RANBP17: variants seen among roughly 807,000 people sequenced by gnomAD.
The protein encoded by RANBP17 is ran-binding protein 17.
In RANBP17, 158 loss-of-function variants were observed where a neutral mutation model predicts 141.2. The ratio of observed to expected loss-of-function variants is 1.12; its 90% confidence interval spans 0.98 to 1.28. RANBP17 has a LOEUF of 1.28. Among genes scored for constraint, RANBP17 ranks in the 50% most tolerant of loss-of-function variants. The pLI is 0.00. For synonymous variants in RANBP17, 430 were observed against 450.0 expected (o/e 0.96, Z 0.56); for missense variants, 1,438 against 1,290.7 (o/e 1.11, Z -1.75).
chr5:171,069,172 G>A (rs1252437163), intron 14 of RANBP17, among the ~76,000 whole-genome samples: 2 of 152,106 alleles, frequency 1.3e-5, no homozygotes, highest in South Asian at 2.1e-4. Context: ...TCTACTTGAG[G>A]GGATTGAAAC....
At position 170,892,561 on chromosome 5, in the gene RANBP17, G is replaced by A; in HGVS notation, c.423+8G>A. The A allele has an allele frequency of 6.2e-7, 1 of 1,611,228 alleles. No individual in the cohort carries two copies. The highest frequency in any genetic ancestry group is 8.5e-7 in the Non-Finnish European group (1 of 1,178,476). On this transcript the variant is annotated splice_region_variant and intron_variant, in intron 4 of 27. Transcript: ENST00000523189. Reference sequence around the variant, plus strand: ...GTGAAGAAGTTTCTCCAGGTAAGAAGTCATTGCTACATGGTTAGAACATCA... The same window carrying A: ...GTGAAGAAGTTTCTCCAGGTAAGAAATCATTGCTACATGGTTAGAACATCA...
intron 18 of RANBP17, among the ~76,000 whole-genome samples, chr5:171,198,650 C>T (rs186903548): frequency 3.3e-5 from 5 of 152,286 alleles, no homozygotes; most frequent in Admixed American, 3.3e-4. Flanking sequence ...TTACATCTCA[C>T]AAGTTCACAA....
chr5:170,866,372 A>G (rs903206308), intron 1 of RANBP17, among the ~76,000 whole-genome samples: 63 of 151,216 alleles, frequency 4.2e-4, no homozygotes, highest in African/African-American at 1.5e-3. Flanking sequence ...ATCTGAAACT[A>G]CTGAGAAGAA....
At chr5:171,229,368 T>C (rs1764068894) in intron 22 of RANBP17, among the ~76,000 whole-genome samples, 1 of 152,164 alleles carries the variant, frequency 6.6e-6, no homozygotes, top group African/African-American at 2.4e-5. Flanking sequence ...TCCATGCACC[T>C]AACATTTGTT....
intron 5 of RANBP17, among the ~76,000 whole-genome samples, chr5:170,906,499 A>T (rs1408518631): frequency 6.6e-6 from 1 of 151,910 alleles, no homozygotes; most frequent in African/African-American, 2.4e-5. Flanking sequence ...ATTACTGATG[A>T]TGTTCACTTT....
chr5:171,089,607 T>G (rs867069636), intron 14 of RANBP17, among the ~76,000 whole-genome samples: 1 of 151,856 alleles, frequency 6.6e-6, no homozygotes, highest in East Asian at 2.0e-4. Flanking sequence ...TAGCAATCAG[T>G]GAGATTCCGT....
At chr5:170,993,487 G>T (rs1417388073) in intron 14 of RANBP17, among the ~76,000 whole-genome samples, 1 of 151,950 alleles carries the variant, frequency 6.6e-6, no homozygotes, top group Admixed American at 6.6e-5. Flanking sequence ...CTAGGATTTT[G>T]GCTTCAGAAT....
chr5:171,200,267 G>T (rs527959951), intron 19 of RANBP17, among the ~76,000 whole-genome samples: 6 of 152,224 alleles, frequency 3.9e-5, no homozygotes, highest in Non-Finnish European at 8.8e-5. Flanking sequence ...TTCTTAAACG[G>T]AACAAAGTGA....
chr5:171,184,508 C>A (rs1013867696), intron 18 of RANBP17, among the ~76,000 whole-genome samples: 1 of 139,056 alleles, frequency 7.2e-6, no homozygotes, highest in Non-Finnish European at 1.6e-5. Context: ...TCAAAAGATA[C>A]AAAGTTTCAG....
chr5:171,168,631 A>C (rs1759871932), intron 14 of RANBP17, among the ~76,000 whole-genome samples: 1 of 152,034 alleles, frequency 6.6e-6, no homozygotes. Flanking sequence ...TTGGTAACTG[A>C]CTTCTTTAGA....
Position 170,880,649 on chromosome 5 carries a change from C to A in RANBP17, c.166-1157C>A, listed in dbSNP as rs139865252. The stretch of plus-strand genomic sequence containing the variant: ...GGGAATATTGGGGATATTGCTTGGT[C>A]TGATATTGTCAGCATGTATTGTATT... On this transcript the variant is annotated intron_variant, in intron 2 of 27. Coordinates refer to ENST00000523189, the MANE Select transcript of RANBP17 (RefSeq NM_022897.5). Among the ~76,000 whole-genome samples the A allele has an allele frequency of 1.5e-3, 229 of 152,180 alleles. 7 individuals are homozygous for A. In the East Asian group the frequency reaches 0.032, roughly 21 times the overall value.
intron 8 of RANBP17, among the ~76,000 whole-genome samples, chr5:170,916,076 T>C (rs940683060): frequency 6.6e-6 from 1 of 151,672 alleles, no homozygotes; most frequent in African/African-American, 2.4e-5. Context: ...TGCATTATAA[T>C]GCATTATATT....
intron 14 of RANBP17, among the ~76,000 whole-genome samples, chr5:171,063,135 C>T (rs922957209): frequency 1.4e-4 from 21 of 152,260 alleles, no homozygotes; most frequent in East Asian, 3.9e-4. Context: ...GTAGTTTGAT[C>T]GTCTGAAGCC....
intron 14 of RANBP17, among the ~76,000 whole-genome samples, chr5:171,144,248 T>A (rs1288326122): frequency 6.6e-6 from 1 of 151,912 alleles, no homozygotes; most frequent in East Asian, 1.9e-4. Context: ...CTACTCCCAG[T>A]TACTCAGGAG....
Position 171,218,801 on chromosome 5 carries a change from T to C in RANBP17, c.2340-2957T>C, listed in dbSNP as rs572666931. Among the ~76,000 whole-genome samples, 24 of 152,130 alleles carry C rather than the reference T, an allele frequency of 1.6e-4. No individual in the cohort carries two copies. The East Asian group carries it at 4.4e-3, about 28-fold the overall frequency. On this transcript the variant is annotated intron_variant, in intron 21 of 27. Coordinates refer to ENST00000523189, the MANE Select transcript of RANBP17 (RefSeq NM_022897.5). Reference sequence around the variant, plus strand: ...TTTCGAGCCTGTCTGTGTTTTTGCATGTGAGATGGGTCTCCTGAATACAGC... The same window carrying C: ...TTTCGAGCCTGTCTGTGTTTTTGCACGTGAGATGGGTCTCCTGAATACAGC...
In RANBP17 at chr5:171,085,433, C is replaced by T. The variant is rs563748053; in HGVS notation, c.1711-84697C>T. On this transcript the variant is annotated intron_variant, in intron 14 of 27. Transcript: ENST00000523189. ...CTTTGTTCTTTTGGCTTAGGATTGA[C>T]TTGGCAATGCAGGCTCTTTTTTGGT... Among the ~76,000 whole-genome samples the T allele has an allele frequency of 5.7e-4, 43 of 75,312 alleles. 6 individuals are homozygous for T. Among genetic ancestry groups the T allele is most frequent in the African/African-American group, 1.8e-3 (40 of 22,856 alleles). 49.4% of individuals were successfully genotyped at this position (75,312 alleles called of 152,430 possible).
rs551587907 is a variant in RANBP17 at position 171,028,790 on chromosome 5, GC to G, written c.1710+60415del. 3.8e-5 allele frequency: 23 copies of G among 606,848 alleles called. No homozygotes were observed. In the East Asian group the frequency reaches 1.5e-3, roughly 40 times the overall value. 37.6% of individuals were successfully genotyped at this position (606,848 alleles called of 1,614,324 possible). On this transcript the variant is annotated intron_variant, in intron 14 of 27. Coordinates refer to ENST00000523189, the MANE Select transcript of RANBP17 (RefSeq NM_022897.5). ...TAGCTAATGAAGAATGTGCAAACCTGCCTTTTTTCCCTCTCCTAAGAAAGGA... is the reference window on the plus strand; with the variant it reads ...TAGCTAATGAAGAATGTGCAAACCTGCTTTTTTCCCTCTCCTAAGAAAGGA...
intron 13 of RANBP17, among the ~76,000 whole-genome samples, chr5:170,967,773 C>T (rs1329341829): frequency 1.3e-5 from 2 of 151,420 alleles, no homozygotes; most frequent in Admixed American, 6.6e-5. Flanking sequence ...TTAGATGTAC[C>T]TCTTGATATT....
chr5:171,063,580 G>A (rs1360319268), intron 14 of RANBP17, among the ~76,000 whole-genome samples: 1 of 152,220 alleles, frequency 6.6e-6, no homozygotes, highest in East Asian at 1.9e-4. Flanking sequence ...ACTAGGGGGT[G>A]CCTCCCAGTT....
Sources: gnomAD v4.1 joint callset for allele counts (sites outside exome capture counted in the v4.1 genomes callset) on GRCh38, gnomAD v4.1.1 for gene constraint, MANE v1.5 for transcripts, NCBI Gene and HGNC (gene_info 2026-07-23, HGNC 2026-07-21) for gene names.